The following OPCML variants were observed in gnomAD, a reference collection of about 807,000 sequenced individuals.
OPCML encodes the protein opioid binding protein/cell adhesion molecule like, also known as opioid-binding protein/cell adhesion molecule.
In OPCML, 13 loss-of-function variants were observed where a neutral mutation model predicts 37.8. The ratio of observed to expected loss-of-function variants is 0.34; its 90% CI spans 0.22 to 0.55. The LOEUF (loss-of-function observed/expected upper bound fraction) is 0.55, where lower values mean the gene tolerates loss of function less well. Among genes scored for constraint, OPCML ranks in the 20% least tolerant of loss-of-function variants. The probability of loss-of-function intolerance (pLI) is 0.91; values close to 1 mark genes in which losing one functional copy is unlikely to be tolerated. For synonymous variants in OPCML, 176 were observed against 168.8 expected (o/e 1.04, Z -0.33); for missense variants, 341 against 435.6 (o/e 0.78, Z 1.93).
At chr11:132,848,026 A>G in intron 2 of OPCML, among the ~76,000 whole-genome samples, 1 of 152,198 alleles carries the variant, frequency 6.6e-6, no homozygotes, top group East Asian at 1.9e-4. Context: ...GGACATGGAC[A>G]GTGAAATTGA....
At chr11:133,400,945 C>A (rs781114744) in intron 1 of OPCML, among the ~76,000 whole-genome samples, 1 of 152,142 alleles carries the variant, frequency 6.6e-6, no homozygotes, top group Non-Finnish European at 1.5e-5. Flanking sequence ...ACACTGCAAC[C>A]CTTTTCCTGC....
intron 2 of OPCML, among the ~76,000 whole-genome samples, chr11:132,871,347 T>C (rs1217791955): frequency 2.0e-5 from 3 of 152,198 alleles, no homozygotes; most frequent in Non-Finnish European, 4.4e-5. Flanking sequence ...ATGTACCCCA[T>C]AAATATGTAC....
chr11:133,514,888 C>T (rs76306917), intron 1 of OPCML, among the ~76,000 whole-genome samples: 2,756 of 152,272 alleles, frequency 0.018, 84 homozygotes, highest in African/African-American at 0.062. Flanking sequence ...ATCACATGCT[C>T]ATTGAGAGAG....
intron 1 of OPCML, among the ~76,000 whole-genome samples, chr11:133,276,549 C>T (rs1364706505): frequency 6.6e-6 from 1 of 152,176 alleles, no homozygotes; most frequent in Admixed American, 6.5e-5. Context: ...CCATATACAT[C>T]CAAAAGCGTA....
chr11:133,008,105 A>G (rs969442206), intron 1 of OPCML: 10 of 985,450 alleles, frequency 1.0e-5, no homozygotes, highest in Non-Finnish European at 1.1e-5. Context: ...TTCACCTTCT[A>G]CTATGGATCT....
At chr11:132,878,027 A>G (rs1252549167) in intron 2 of OPCML, among the ~76,000 whole-genome samples, 1 of 152,172 alleles carries the variant, frequency 6.6e-6, no homozygotes, top group Non-Finnish European at 1.5e-5. Flanking sequence ...CTAAAAATAC[A>G]ACAAATTAGC....
At chr11:133,042,705 A>G (rs1205343821) in intron 1 of OPCML, among the ~76,000 whole-genome samples, 1 of 152,142 alleles carries the variant, frequency 6.6e-6, no homozygotes, top group Non-Finnish European at 1.5e-5. Flanking sequence ...AGGGAACCAC[A>G]GGGGTAGACG....
chr11:132,808,434 T>C (rs548578305), intron 2 of OPCML, among the ~76,000 whole-genome samples: 1 of 152,322 alleles, frequency 6.6e-6, no homozygotes, highest in South Asian at 2.1e-4. Flanking sequence ...TTGAAGAGAT[T>C]GATACATCTA....
At chr11:133,069,490 G>A (rs985786722) in intron 1 of OPCML, among the ~76,000 whole-genome samples, 9 of 152,160 alleles carry the variant, frequency 5.9e-5, no homozygotes, top group Admixed American at 2.0e-4. Context: ...GTGCAGGGGC[G>A]AGTGGCAATT....
intron 1 of OPCML, chr11:133,067,233 C>A (rs991748522): frequency 2.6e-5 from 4 of 152,116 alleles, no homozygotes; most frequent in African/African-American, 4.8e-5. Flanking sequence ...GAAACTGAGG[C>A]TCTAGGAGAT....
At chr11:132,679,304 A>G (rs1410892905) in intron 2 of OPCML, among the ~76,000 whole-genome samples, 1 of 152,226 alleles carries the variant, frequency 6.6e-6, no homozygotes, top group Non-Finnish European at 1.5e-5. Context: ...AAATGTTCAT[A>G]ACAGCATTAT....
In OPCML at chr11:132,415,652, T is replaced by C. The variant is rs1565541342; in HGVS notation, c.*4541A>G. On this transcript the variant is annotated 3_prime_UTR_variant, in exon 8 of 8. Transcript: ENST00000524381. ...CAAAAAGGAATCTCTTTCAAAATGC[T>C]GGAAATTAGGCTTAGCTCACTACTT... The C allele has an allele frequency of 1.3e-5, 2 of 152,348 alleles. No individual in the cohort carries two copies. Among genetic ancestry groups the C allele is most frequent in the African/African-American group, 4.8e-5 (2 of 41,450 alleles). 9.4% of individuals were successfully genotyped at this position (152,348 alleles called of 1,614,324 possible). A position where few individuals can be genotyped will look rare whatever the true frequency, so the allele number is the denominator to read the frequency against.
At chr11:132,608,987 T>C (rs1016012033) in intron 3 of OPCML, among the ~76,000 whole-genome samples, 1 of 152,162 alleles carries the variant, frequency 6.6e-6, no homozygotes, top group Non-Finnish European at 1.5e-5. Context: ...TCTGGAATAG[T>C]ACAACAGGCT....
intron 1 of OPCML, among the ~76,000 whole-genome samples, chr11:133,353,911 G>GA (rs1475575135): frequency 2.0e-5 from 3 of 152,058 alleles, no homozygotes; most frequent in African/African-American, 4.8e-5. Context: ...ATCAAAAAAA[G>GA]AAAAAATATA....
intron 3 of OPCML, among the ~76,000 whole-genome samples, chr11:132,617,286 A>G (rs1468929806): frequency 6.6e-6 from 1 of 152,226 alleles, no homozygotes; most frequent in African/African-American, 2.4e-5. Flanking sequence ...GAGACAGAAC[A>G]TATATTCACA....
chr11:133,317,124 G>A (rs1469149151), intron 1 of OPCML, among the ~76,000 whole-genome samples: 1 of 152,206 alleles, frequency 6.6e-6, no homozygotes, highest in African/African-American at 2.4e-5. Context: ...CCTGAACCCA[G>A]AGGCGGAGGT....
intron 1 of OPCML, among the ~76,000 whole-genome samples, chr11:133,184,085 C>T (rs1317466705): frequency 1.3e-5 from 2 of 152,168 alleles, no homozygotes; most frequent in Admixed American, 6.5e-5. Context: ...CAGAGGCTGA[C>T]CCTAATCCTG....
At chr11:133,420,588 A>G in intron 1 of OPCML, 1 of 985,212 alleles carries the variant, frequency 1.0e-6, no homozygotes, top group East Asian at 1.1e-4. Context: ...TAACACTGAA[A>G]CATTATTATT....
chr11:133,493,836 G>T (rs988881892), intron 1 of OPCML, among the ~76,000 whole-genome samples: 3 of 151,986 alleles, frequency 2.0e-5, no homozygotes, highest in African/African-American at 4.8e-5. Flanking sequence ...TAGGTCTAAC[G>T]TTTAAGTCTT....
Sources: gnomAD v4.1 joint callset for allele counts (sites outside exome capture counted in the v4.1 genomes callset) on GRCh38, gnomAD v4.1.1 for gene constraint, MANE v1.5 for transcripts, NCBI Gene and HGNC (gene_info 2026-07-23, HGNC 2026-07-21) for gene names.